Variants in C12orf43 observed in about 807,000 individuals in gnomAD.
C12orf43 encodes the protein chromosome 12 open reading frame 43.
C12orf43 carries 15 observed loss-of-function variants against 20.6 expected under a neutral mutation model. The observed-to-expected ratio is 0.73, with a 90% confidence interval of 0.49 to 1.12. The LOEUF (loss-of-function observed/expected upper bound fraction) is 1.12, where lower values mean the gene tolerates loss of function less well. C12orf43 is among the 50% of genes most tolerant of loss of function. C12orf43 has a pLI of 0.00. For missense variants in C12orf43, 334 were observed against 344.4 expected, an observed-to-expected ratio of 0.97 and a Z score of 0.24; for synonymous variants, 144 against 130.8, an observed-to-expected ratio of 1.10 and a Z score of -0.69.
chr12:121,012,520 T>C (rs1435867507), intron 1 of C12orf43: 1 of 701,764 alleles, frequency 1.4e-6, no homozygotes, highest in Non-Finnish European at 2.6e-6. Context: ...GTAATTGATG[T>C]GGTGAGAAGT....
At position 121,004,377 on chromosome 12, in the gene C12orf43, T is replaced by G. The variant is rs1339285679; in HGVS notation, c.565A>C (p.Lys189Gln). 1.2e-6 allele frequency: 2 copies of G among 1,614,070 alleles called. No individual in the cohort carries two copies. The highest frequency in any genetic ancestry group is 1.7e-6 in the Non-Finnish European group (2 of 1,180,044). Reference protein sequence around the residue: ...SPGTVEKEAKKKRKLKKKAKK... With the variant: ...SPGTVEKEAKQKRKLKKKAKK... ...GCTTTCTTTTTCAACTTCCTTTTCT[T>G]CTTTGCCTCCTTCTCCACTGTTCCA... Residue 189 changes from lysine (K) to glutamine (Q), a missense_variant, in exon 6 of 6, where the codon AAG (lysine) becomes CAG (glutamine). Transcript: ENST00000288757. This position sits in a 1 kb window ranked among gnomAD's most constrained non-coding sequence, Gnocchi z 5.6.
chr12:121,008,862 C>G (rs937622250), intron 3 of C12orf43, among the ~76,000 whole-genome samples: 1 of 152,224 alleles, frequency 6.6e-6, no homozygotes, highest in Non-Finnish European at 1.5e-5. Context: ...CCAGTGTATC[C>G]CCAGACCTGT....
intron 1 of C12orf43, chr12:121,012,288 C>A: frequency 1.5e-6 from 1 of 670,056 alleles, no homozygotes; most frequent in South Asian, 1.6e-5. Context: ...GTGACCAGAG[C>A]CTGCCCAGTA....
chr12:121,010,805 G>C, intron 3 of C12orf43, 23 bp downstream of exon 3: 1 of 1,574,868 alleles, frequency 6.3e-7, no homozygotes, highest in Non-Finnish European at 8.6e-7. Flanking sequence ...GGGCAAGAGA[G>C]GAGAAACTCC....
At chr12:121,014,357 G>A (rs1868683053) in intron 1 of C12orf43, among the ~76,000 whole-genome samples, 2 of 151,594 alleles carry the variant, frequency 1.3e-5, no homozygotes, top group Admixed American at 6.6e-5. Context: ...GACCAGGCGC[G>A]GTGGCTCACA....
intron 1 of C12orf43, 195 bp downstream of exon 1, chr12:121,016,135 T>C (rs1170280733): frequency 8.1e-6 from 7 of 864,004 alleles, no homozygotes; most frequent in Non-Finnish European, 1.3e-5. Context: ...GTACCTCAGC[T>C]TCCCCGACTG....
intron 3 of C12orf43, among the ~76,000 whole-genome samples, chr12:121,007,681 G>A (rs1878126926): frequency 6.6e-6 from 1 of 152,246 alleles, no homozygotes; most frequent in Non-Finnish European, 1.5e-5. Context: ...CAGGAAGCAT[G>A]TGTCTGGTGA....
At chr12:121,011,184 A>G (rs1878431355) in intron 1 of C12orf43, 38 bp from the exon 2 acceptor site, 1 of 1,592,526 alleles carries the variant, frequency 6.3e-7, no homozygotes, top group Non-Finnish European at 8.6e-7. Context: ...TATAGAGGAA[A>G]CAATGACAGC....
Position 121,005,171 on chromosome 12 carries a change from CAAAA to C in C12orf43, c.362-82_362-79del, listed in dbSNP as rs1048862494. 6 of 790,498 alleles carry C rather than the reference CAAAA, an allele frequency of 7.6e-6. No homozygotes were observed. The highest frequency in any genetic ancestry group is 6.1e-5 in the African/African-American group (3 of 49,442). The allele number at this position is 790,498 out of a possible 1,614,324, so 49.0% of individuals were successfully genotyped here. ...CATAAAAAAATAAAAAATAAAGAAACAAAAAAGAAAAAAATTTTAAAAAGGAAAA... is the reference window on the plus strand; with the variant it reads ...CATAAAAAAATAAAAAATAAAGAAACAAGAAAAAAATTTTAAAAAGGAAAA... On this transcript the variant is annotated intron_variant, in intron 4 of 5. Transcript: ENST00000288757. The surrounding 1 kb of genome is among the most constrained non-coding windows in gnomAD (Gnocchi z 5.6).
At position 121,001,238 on chromosome 12, in the gene C12orf43, G is replaced by A. The variant is rs769404658; in HGVS notation, c.*2915C>T. ...GGCCTGTACTGCCTGCTTGGGGGGT[G>A]ATGAGGGCAGCAGCCAGCCCTGCCT... On this transcript the variant is annotated 3_prime_UTR_variant, in exon 6 of 6. Transcript: ENST00000288757. The A allele has an allele frequency of 1.2e-6, 2 of 1,608,994 alleles. No homozygotes were observed. Among genetic ancestry groups the A allele is most frequent in the African/African-American group, 2.7e-5 (2 of 74,830 alleles).
In C12orf43 at chr12:121,006,147, T is replaced by G. The variant is rs146836331; in HGVS notation, c.361+174A>C. The G allele has an allele frequency of 7.0e-4, 404 of 573,850 alleles. 3 individuals are homozygous for G. Among genetic ancestry groups the G allele is most frequent in the African/African-American group, 6.0e-3 (316 of 52,820 alleles). 35.5% of individuals were successfully genotyped at this position (573,850 alleles called of 1,614,324 possible). A position where few individuals can be genotyped will look rare whatever the true frequency, so the allele number is the denominator to read the frequency against. On this transcript the variant is annotated intron_variant, in intron 4 of 5. Coordinates refer to ENST00000288757, the MANE Select transcript of C12orf43 (RefSeq NM_022895.3). ...GGGAGGACTGCTTGGGTCCGGGAGG[T>G]TGAGGCTGCATTGAGCTATAATTGC...
At chr12:121,009,961 G>A (rs912718701) in intron 3 of C12orf43, among the ~76,000 whole-genome samples, 4 of 152,140 alleles carry the variant, frequency 2.6e-5, no homozygotes, top group East Asian at 1.9e-4. Flanking sequence ...TGAGCTTCTC[G>A]ATGTTCCTCT....
chr12:121,001,891 C>T lies in C12orf43; in HGVS notation c.*2262G>A. ...TTCCCTCTCCCAGGCCCCATGACCT[C>T]CAGCTTTCCTGTATTTGTTCCCAAG... is the stretch of plus-strand genomic sequence containing the variant. On this transcript the variant is annotated 3_prime_UTR_variant, in exon 6 of 6. Transcript: ENST00000288757. 1.9e-6 allele frequency: 1 copy of T among 512,904 alleles called. No individual in the cohort carries two copies. Among genetic ancestry groups the T allele is most frequent in the South Asian group, 1.6e-5 (1 of 61,664 alleles). 31.8% of individuals were successfully genotyped at this position (512,904 alleles called of 1,614,324 possible).
In C12orf43 at chr12:121,000,879, G is replaced by A. The variant is rs1414906301; in HGVS notation, c.*3274C>T. The A allele has an allele frequency of 2.7e-5, 20 of 752,076 alleles. No homozygotes were observed. The highest frequency in any genetic ancestry group is 4.8e-5 in the South Asian group (3 of 62,672). The allele number at this position is 752,076 out of a possible 1,614,324, so 46.6% of individuals were successfully genotyped here. The stretch of plus-strand genomic sequence containing the variant: ...TACTCAGGCCACTCCATGGGCGGCC[G>A]TGGACCCTGGCTGGGAGGCTCCCTT... On this transcript the variant is annotated 3_prime_UTR_variant, in exon 6 of 6. Coordinates refer to ENST00000288757, the MANE Select transcript of C12orf43 (RefSeq NM_022895.3).
Position 121,013,694 on chromosome 12 carries a change from A to C in C12orf43, c.146-2548T>G, listed in dbSNP as rs562169107. On this transcript the variant is annotated intron_variant, in intron 1 of 5. Coordinates refer to ENST00000288757, the MANE Select transcript of C12orf43 (RefSeq NM_022895.3). Reference sequence around the variant, plus strand: ...AAGAGCTGTCTCTAGAGGTTACATAAATAAAATAGTGACCTATATTTCCAC... The same window carrying C: ...AAGAGCTGTCTCTAGAGGTTACATACATAAAATAGTGACCTATATTTCCAC... Among the ~76,000 whole-genome samples, 3 of 152,296 alleles carry C rather than the reference A, an allele frequency of 2.0e-5. No individual in the cohort carries two copies. In the South Asian group the frequency reaches 6.2e-4, roughly 32 times the overall value.
chr12:121,010,821 T>C lies in C12orf43; in HGVS notation c.287+7A>G, dbSNP rs1878395319. 1 of 1,596,240 alleles carries C rather than the reference T, an allele frequency of 6.3e-7. No homozygotes were observed. Among genetic ancestry groups the C allele is most frequent in the African/African-American group, 1.3e-5 (1 of 74,166 alleles). ...GGCAAGAGAGGAGAAACTCCACCTT[T>C]GTTTACCTGTCCAGCAGGGCTCCCA... On this transcript the variant is annotated splice_region_variant and intron_variant, in intron 3 of 5. Transcript: ENST00000288757.
Position 121,004,332 on chromosome 12 carries a change from C to T in C12orf43, c.610G>A (p.Asp204Asn), listed in dbSNP as rs746130765. The change falls in exon 6 of 6, where the codon GAC becomes AAC. Residue 204 changes from aspartate to asparagine, a missense_variant. Physicochemically the swap from Asp to Asn is conservative, Grantham distance 23 (BLOSUM62 1). Coordinates refer to ENST00000288757, the MANE Select transcript of C12orf43 (RefSeq NM_022895.3). The surrounding 1 kb of genome is among the most constrained non-coding windows in gnomAD (Gnocchi z 5.6). ...KKKAKKVASV[D>N]SAVAATTPTS... ...GGGGTGGTGGCAGCGACAGCCGAGT[C>T]GACACTGGCCACCTTCTTGGCTTTC... The T allele has an allele frequency of 6.3e-5, 101 of 1,614,086 alleles. No homozygotes were observed. Among genetic ancestry groups the T allele is most frequent in the Non-Finnish European group, 7.8e-5 (92 of 1,180,046 alleles).
rs1877564191 is a variant in C12orf43 at position 121,002,432 on chromosome 12, C to A, written c.*1721G>T. On this transcript the variant is annotated 3_prime_UTR_variant, in exon 6 of 6. Transcript: ENST00000288757. ...GGAAAAGGCCTGGGGTGACCCGGCA[C>A]CCCCTGCAGCTTGTAGCCAGCCGGG... The A allele has an allele frequency of 1.9e-6, 1 of 531,482 alleles. No homozygotes were observed. The highest frequency in any genetic ancestry group is 2.2e-5 in the Admixed American group (1 of 44,790). 32.9% of individuals were successfully genotyped at this position (531,482 alleles called of 1,614,324 possible).
chr12:121,005,234 A>T lies in C12orf43; in HGVS notation c.362-141T>A. 1 of 468,500 alleles carries T rather than the reference A, an allele frequency of 2.1e-6. No homozygotes were observed. Among genetic ancestry groups the T allele is most frequent in the South Asian group, 1.2e-4 (1 of 8,456 alleles). 29.0% of individuals were successfully genotyped at this position (468,500 alleles called of 1,614,324 possible). On this transcript the variant is annotated intron_variant, in intron 4 of 5. Coordinates refer to ENST00000288757, the MANE Select transcript of C12orf43 (RefSeq NM_022895.3). The surrounding 1 kb of genome is among the most constrained non-coding windows in gnomAD (Gnocchi z 5.6). The stretch of plus-strand genomic sequence containing the variant: ...AGAAAAGATAAAGAGAAACAAAAAA[A>T]AAATTTTAAGAAGACACAAAATAAA...
Sources: gnomAD v4.1 joint callset for allele counts (sites outside exome capture counted in the v4.1 genomes callset) on GRCh38, gnomAD v4.1.1 for gene constraint, Gnocchi (gnomAD v3.1) non-coding constraint, MANE v1.5 for transcripts, NCBI Gene and HGNC (gene_info 2026-07-23, HGNC 2026-07-21) for gene names.